FRMD4A: variants seen among roughly 807,000 people sequenced by gnomAD.
FRMD4A encodes the protein FERM domain containing 4A.
Under a neutral mutation model 129.1 loss-of-function variants are expected in FRMD4A, and 29 were observed. That is an observed-to-expected ratio of 0.22 (90% confidence interval 0.17 to 0.31). The LOEUF (loss-of-function observed/expected upper bound fraction) is 0.31, where lower values mean the gene tolerates loss of function less well. Ranked by LOEUF, FRMD4A falls within the 10% of genes least tolerant of loss-of-function variation. The pLI is 1.00. For synonymous variants in FRMD4A, 634 were observed against 571.6 expected (o/e 1.11, Z -1.56); for missense variants, 1,272 against 1,375.8 (o/e 0.92, Z 1.19).
intron 2 of FRMD4A, among the ~76,000 whole-genome samples, chr10:14,056,890 G>A (rs944437454): frequency 3.3e-5 from 5 of 152,138 alleles, no homozygotes; most frequent in African/African-American, 1.2e-4. Flanking sequence ...AGGTATTGCT[G>A]GTGAGATATT....
chr10:13,963,793 G>A (rs1409708730), intron 2 of FRMD4A, among the ~76,000 whole-genome samples: 2 of 152,188 alleles, frequency 1.3e-5, no homozygotes, highest in Non-Finnish European at 2.9e-5. Context: ...TAGAGTGTGT[G>A]AGAAATTCAG....
At chr10:13,952,819 G>A (rs7095555) in intron 2 of FRMD4A, among the ~76,000 whole-genome samples, 122,482 of 152,048 alleles carry the variant, frequency 0.81, 49,605 homozygotes, top group East Asian at 0.95. Context: ...TCAGCCTCCC[G>A]AGTAGCTGGG....
chr10:13,848,250 C>G (rs191983365), intron 3 of FRMD4A, among the ~76,000 whole-genome samples: 7 of 152,110 alleles, frequency 4.6e-5, no homozygotes, highest in African/African-American at 1.7e-4. Flanking sequence ...AAAAATAACT[C>G]AGTAGTAAAA....
chr10:13,665,364 T>C (rs2082942339), intron 18 of FRMD4A, among the ~76,000 whole-genome samples: 1 of 152,152 alleles, frequency 6.6e-6, no homozygotes, highest in East Asian at 1.9e-4. Context: ...TATTCTACTT[T>C]CTGTCTTTCT....
intron 2 of FRMD4A, among the ~76,000 whole-genome samples, chr10:14,113,322 A>C (rs1002140770): frequency 6.6e-6 from 1 of 152,166 alleles, no homozygotes; most frequent in African/African-American, 2.4e-5. Flanking sequence ...ACCCAACGTG[A>C]AGATGAGTAG....
At chr10:13,801,428 A>G (rs761213478) in intron 4 of FRMD4A, among the ~76,000 whole-genome samples, 1 of 152,228 alleles carries the variant, frequency 6.6e-6, no homozygotes, top group African/African-American at 2.4e-5. Flanking sequence ...GGGGATCACG[A>G]TGCATGGCCT....
In FRMD4A at chr10:13,937,614, C is replaced by T. The variant is rs76736243; in HGVS notation, c.46-78702G>A. Among the ~76,000 whole-genome samples the T allele has an allele frequency of 7.9e-3, 1,204 of 152,180 alleles. 64 individuals are homozygous for T. In the East Asian group the frequency reaches 0.14, roughly 17 times the overall value. On this transcript the variant is annotated intron_variant, in intron 2 of 24. Coordinates refer to ENST00000357447, the MANE Select transcript of FRMD4A (RefSeq NM_018027.5). ...TGCAGCAGTGATGTTCATTATCCTTCGTGAGTAAGCCCTGAGGCTCTTTGG... is the reference window on the plus strand; with the variant it reads ...TGCAGCAGTGATGTTCATTATCCTTTGTGAGTAAGCCCTGAGGCTCTTTGG...
At chr10:13,952,754 C>A (rs1390473833) in intron 2 of FRMD4A, among the ~76,000 whole-genome samples, 1 of 152,092 alleles carries the variant, frequency 6.6e-6, no homozygotes, top group East Asian at 1.9e-4. Flanking sequence ...AGTGCAGTAG[C>A]ATGATCTCAG....
At chr10:13,980,241 C>G (rs1183810837) in intron 2 of FRMD4A, among the ~76,000 whole-genome samples, 2 of 152,224 alleles carry the variant, frequency 1.3e-5, no homozygotes, top group Admixed American at 6.5e-5. Context: ...GGGAGACTCT[C>G]TGCTGACCAC....
intron 2 of FRMD4A, chr10:13,972,101 C>A (rs757063470): frequency 1.5e-5 from 17 of 1,105,338 alleles, no homozygotes; most frequent in Non-Finnish European, 1.8e-5. Context: ...CCTCAGTGTG[C>A]AGATAACGGC....
rs901294809 is a variant in FRMD4A at position 13,742,071 on chromosome 10, G to T, written c.549-1494C>A. The stretch of plus-strand genomic sequence containing the variant: ...GGGGTTTTGCATGTTGGCCAGGCTG[G>T]TCTCAAACTCCGGGCCTCAGGTCAT... On this transcript the variant is annotated intron_variant, in intron 9 of 24. Coordinates refer to ENST00000357447, the MANE Select transcript of FRMD4A (RefSeq NM_018027.5). Among the ~76,000 whole-genome samples, 4 of 151,932 alleles carry T rather than the reference G, an allele frequency of 2.6e-5. No individual in the cohort carries two copies. The South Asian group carries it at 8.3e-4, about 32-fold the overall frequency.
intron 5 of FRMD4A, among the ~76,000 whole-genome samples, chr10:13,789,399 A>C (rs883579): frequency 0.024 from 3,609 of 152,268 alleles, 102 homozygotes; most frequent in East Asian, 0.09. Context: ...TTGTCTGTGA[A>C]ACTCAAATTC....
At chr10:13,778,848 G>A (rs960071850) in intron 6 of FRMD4A, among the ~76,000 whole-genome samples, 3 of 152,096 alleles carry the variant, frequency 2.0e-5, no homozygotes, top group African/African-American at 7.2e-5. Flanking sequence ...AGGGATAAAA[G>A]GCTGCATCTA....
chr10:13,864,221 C>A (rs1236643132), intron 2 of FRMD4A, among the ~76,000 whole-genome samples: 1 of 151,740 alleles, frequency 6.6e-6, no homozygotes, highest in Non-Finnish European at 1.5e-5. Flanking sequence ...GTCTCGAACT[C>A]CTGGCCTCAC....
intron 17 of FRMD4A, among the ~76,000 whole-genome samples, chr10:13,666,765 C>A (rs1348860858): frequency 3.3e-5 from 5 of 152,118 alleles, no homozygotes; most frequent in Non-Finnish European, 7.4e-5. Flanking sequence ...AAGGAGCTCA[C>A]ACACATGAGC....
intron 2 of FRMD4A, among the ~76,000 whole-genome samples, chr10:14,185,815 G>A (rs530623327): frequency 6.6e-6 from 1 of 152,104 alleles, no homozygotes; most frequent in Non-Finnish European, 1.5e-5. Context: ...GAATAGGGTA[G>A]ACAGGGCAGG....
Position 13,924,461 on chromosome 10 carries a change from C to T in FRMD4A, c.46-65549G>A, listed in dbSNP as rs186785652. On this transcript the variant is annotated intron_variant, in intron 2 of 24. Transcript: ENST00000357447. ...AAGCCATGCTCCCACCTCTAGGCCA[C>T]CACACTTACCGTTCCCTCTGCCTGG... Among the ~76,000 whole-genome samples the T allele has an allele frequency of 3.4e-3, 521 of 151,798 alleles. 2 individuals carry two copies. Among genetic ancestry groups the T allele is most frequent in the Middle Eastern group, 0.024 (7 of 294 alleles).
chr10:13,749,247 C>G (rs2091448172), intron 8 of FRMD4A, among the ~76,000 whole-genome samples: 1 of 152,194 alleles, frequency 6.6e-6, no homozygotes, highest in African/African-American at 2.4e-5. Context: ...CTGACCTGGG[C>G]TATGTTAGCA....
At chr10:14,257,267 G>A (rs1263236470) in intron 2 of FRMD4A, among the ~76,000 whole-genome samples, 1 of 152,190 alleles carries the variant, frequency 6.6e-6, no homozygotes, top group East Asian at 1.9e-4. Flanking sequence ...AGAGGTGGAG[G>A]TTGCAGTGAG....
Sources: allele counts gnomAD v4.1 joint callset (sites outside exome capture counted in the v4.1 genomes callset), GRCh38; gene constraint gnomAD v4.1.1; transcripts MANE v1.5; gene names NCBI Gene and HGNC (gene_info 2026-07-23, HGNC 2026-07-21).